NKAIN3: variants seen among roughly 807,000 people sequenced by gnomAD.
The protein encoded by NKAIN3 is sodium/potassium-transporting ATPase subunit beta-1-interacting protein 3.
NKAIN3 carries 25 observed loss-of-function variants against 30.2 expected under a neutral mutation model. The ratio of observed to expected loss-of-function variants is 0.83; its 90% CI spans 0.60 to 1.16. NKAIN3 has a LOEUF of 1.16. Ranked by LOEUF, NKAIN3 falls within the 50% of genes most tolerant of loss-of-function variation. The pLI, the probability that NKAIN3 is intolerant of heterozygous loss-of-function variation, is 0.00. For synonymous variants in NKAIN3, 91 were observed against 89.6 expected, an observed-to-expected ratio of 1.02 and a Z score of -0.09; for missense variants, 225 against 254.1, an observed-to-expected ratio of 0.89 and a Z score of 0.78.
At chr8:62,453,883 A>G (rs1260487806) in intron 1 of NKAIN3, among the ~76,000 whole-genome samples, 10 of 152,250 alleles carry the variant, frequency 6.6e-5, no homozygotes, top group Non-Finnish European at 1.3e-4. Context: ...AATAAAAATT[A>G]AAAAGCCTAC....
intron 1 of NKAIN3, among the ~76,000 whole-genome samples, chr8:62,569,650 C>T (rs1809867433): frequency 6.6e-6 from 1 of 152,028 alleles, no homozygotes; most frequent in African/African-American, 2.4e-5. Context: ...GTGACTCATA[C>T]CTGTATTCCC....
chr8:62,584,872 T>G (rs1217803638), intron 2 of NKAIN3, among the ~76,000 whole-genome samples: 1 of 152,210 alleles, frequency 6.6e-6, no homozygotes, highest in Non-Finnish European at 1.5e-5. Flanking sequence ...TCTTGCCCCA[T>G]TCAACAATGT....
chr8:62,795,421 C>G (rs912707754), intron 4 of NKAIN3, among the ~76,000 whole-genome samples: 1 of 152,124 alleles, frequency 6.6e-6, no homozygotes, highest in Non-Finnish European at 1.5e-5. Flanking sequence ...CTATGGACCC[C>G]AGGTTGAGAA....
At chr8:62,777,147 G>A (rs192628023) in intron 4 of NKAIN3, among the ~76,000 whole-genome samples, 5 of 152,232 alleles carry the variant, frequency 3.3e-5, no homozygotes, top group Admixed American at 2.6e-4. Context: ...ACTTTTGGGA[G>A]TTTGATTATT....
At chr8:62,990,325 T>C in intron 5 of NKAIN3, 1 of 1,365,762 alleles carries the variant, frequency 7.3e-7, no homozygotes, top group Non-Finnish European at 9.5e-7. Flanking sequence ...TAGAGTGTCA[T>C]TCTAAACCCC....
intron 4 of NKAIN3, among the ~76,000 whole-genome samples, chr8:62,897,648 A>G (rs907384624): frequency 1.3e-5 from 2 of 152,148 alleles, no homozygotes; most frequent in Non-Finnish European, 1.5e-5. Context: ...TTTGTTCCTC[A>G]ATATGGCAAT....
At chr8:62,667,357 A>ATAT (rs755800818) in intron 3 of NKAIN3, among the ~76,000 whole-genome samples, 1 of 93,978 alleles carries the variant, frequency 1.1e-5, no homozygotes, top group African/African-American at 4.4e-5. Context: ...TTATATATAT[A>ATAT]TCTGTATATA....
At chr8:62,291,786 T>C (rs1045977869) in intron 1 of NKAIN3, among the ~76,000 whole-genome samples, 6 of 152,308 alleles carry the variant, frequency 3.9e-5, no homozygotes, top group South Asian at 2.1e-4. Flanking sequence ...AATTCCTGGA[T>C]ATCTTTTTTA....
chr8:62,520,410 G>C (rs191452322), intron 1 of NKAIN3, among the ~76,000 whole-genome samples: 1 of 151,698 alleles, frequency 6.6e-6, no homozygotes, highest in Non-Finnish European at 1.5e-5. Context: ...TCTAACCCAA[G>C]GTATTCCAAA....
chr8:62,352,557 A>G (rs1816215670), intron 1 of NKAIN3, among the ~76,000 whole-genome samples: 1 of 152,198 alleles, frequency 6.6e-6, no homozygotes, highest in Non-Finnish European at 1.5e-5. Flanking sequence ...GGATTCTTTG[A>G]GGGAAAAGAA....
intron 3 of NKAIN3, among the ~76,000 whole-genome samples, chr8:62,711,064 C>T (rs1330294736): frequency 6.6e-6 from 1 of 152,078 alleles, no homozygotes; most frequent in Admixed American, 6.6e-5. Flanking sequence ...AAGATAGGCC[C>T]CCAACCTCTT....
intron 3 of NKAIN3, among the ~76,000 whole-genome samples, chr8:62,667,811 C>T (rs1429240164): frequency 6.6e-6 from 1 of 152,094 alleles, no homozygotes; most frequent in Non-Finnish European, 1.5e-5. Context: ...ACATGATATA[C>T]CCTGCCTTTG....
At chr8:62,538,576 T>C (rs1419202118) in intron 1 of NKAIN3, among the ~76,000 whole-genome samples, 1 of 152,202 alleles carries the variant, frequency 6.6e-6, no homozygotes, top group East Asian at 1.9e-4. Context: ...TTGCCATAAA[T>C]TTCACATGGA....
At position 62,975,586 on chromosome 8, in the gene NKAIN3, G is replaced by C. The variant is rs4400383; in HGVS notation, c.*10179G>C. 0.78 allele frequency among the ~76,000 whole-genome samples: 118,924 copies of C among 152,104 alleles called. 47,555 individuals are homozygous for C. Among genetic ancestry groups the C allele is most frequent in the East Asian group, 0.98 (5,046 of 5,174 alleles). ...TTTATTAGCCTGGCTAGCCATCTAAGTATTTTGTTAATCTTTTCAAAAAAC... is the reference window on the plus strand; with the variant it reads ...TTTATTAGCCTGGCTAGCCATCTAACTATTTTGTTAATCTTTTCAAAAAAC... On this transcript the variant is annotated 3_prime_UTR_variant, in exon 7 of 7. Transcript: ENST00000623646.
At chr8:62,498,143 T>C (rs2129658613) in intron 1 of NKAIN3, among the ~76,000 whole-genome samples, 1 of 152,208 alleles carries the variant, frequency 6.6e-6, no homozygotes, top group African/African-American at 2.4e-5. Context: ...TTAGCCCAGA[T>C]TGGTATATAA....
At position 62,744,630 on chromosome 8, in the gene NKAIN3, T is replaced by C. The variant is rs964596213; in HGVS notation, c.274-2302T>C. Among the ~76,000 whole-genome samples, 14 of 152,268 alleles carry C rather than the reference T, an allele frequency of 9.2e-5. No homozygotes were observed. In the South Asian group the frequency reaches 2.9e-3, roughly 32 times the overall value. On this transcript the variant is annotated intron_variant, in intron 3 of 6. Coordinates refer to ENST00000623646, the MANE Select transcript of NKAIN3 (RefSeq NM_001304533.3). The stretch of plus-strand genomic sequence containing the variant: ...GTATAGTTCTTCTGTAATGAGCACA[T>C]CTAACTGTAAGAAATTAAATCTGAT...
chr8:62,667,051 A>G (rs917205374), intron 3 of NKAIN3, among the ~76,000 whole-genome samples: 4 of 150,586 alleles, frequency 2.7e-5, no homozygotes, highest in East Asian at 2.0e-4. Context: ...AGTAGAAAAT[A>G]CAGAGCAGCA....
At chr8:62,382,084 A>T (rs1817296943) in intron 1 of NKAIN3, among the ~76,000 whole-genome samples, 2 of 152,236 alleles carry the variant, frequency 1.3e-5, no homozygotes, top group African/African-American at 4.8e-5. Flanking sequence ...CACAGTTGAA[A>T]ATCCAAGTAT....
chr8:62,624,220 G>A (rs1811718491), intron 3 of NKAIN3, among the ~76,000 whole-genome samples: 1 of 152,036 alleles, frequency 6.6e-6, no homozygotes, highest in Non-Finnish European at 1.5e-5. Flanking sequence ...AGGTCTTTGT[G>A]ACCTGTGTCT....
Sources: gnomAD v4.1 joint callset for allele counts (sites outside exome capture counted in the v4.1 genomes callset) on GRCh38, gnomAD v4.1.1 for gene constraint, MANE v1.5 for transcripts, NCBI Gene and HGNC (gene_info 2026-07-23, HGNC 2026-07-21) for gene names.